CFAP46: variants seen among roughly 807,000 people sequenced by gnomAD.
The protein encoded by CFAP46 is cilia and flagella associated protein 46.
A neutral mutation model predicts 325.7 loss-of-function variants in CFAP46; 245 were observed. The ratio of observed to expected loss-of-function variants is 0.75; its 90% CI spans 0.68 to 0.84. CFAP46 has a LOEUF of 0.84. Ranked by LOEUF, CFAP46 falls within the 40% of genes least tolerant of loss-of-function variation. The pLI is 0.00. For missense variants in CFAP46, 3,346 were observed against 3,543.0 expected (o/e 0.94, Z 1.41); for synonymous variants, 1,523 against 1,495.9 (o/e 1.02, Z -0.42).
chr10:132,847,611 G>C lies in CFAP46; in HGVS notation c.5953-290C>G, dbSNP rs546661593. On this transcript the variant is annotated intron_variant, in intron 41 of 57. Transcript: ENST00000368586. The surrounding 1 kb of genome is among the most constrained non-coding windows in gnomAD (Gnocchi z 5.2). ...CTGAGGAAGCCGGCCTGAGTCACGT[G>C]GGCCTGGAATCCAACACATTCCCAG... is the stretch of plus-strand genomic sequence containing the variant. 1.2e-3 allele frequency among the ~76,000 whole-genome samples: 179 copies of C among 152,076 alleles called. No homozygotes were observed. Among genetic ancestry groups the C allele is most frequent in the Middle Eastern group, 3.4e-3 (1 of 294 alleles).
chr10:132,866,763 T>C (rs1848819810), intron 34 of CFAP46, among the ~76,000 whole-genome samples: 2 of 152,228 alleles, frequency 1.3e-5, no homozygotes, highest in Admixed American at 6.5e-5. Flanking sequence ...ACAGGAAGCA[T>C]GGCCTTTGCC....
intron 38 of CFAP46, 117 bp from the exon 39 acceptor site, chr10:132,857,905 T>C: frequency 1.1e-6 from 1 of 920,242 alleles, no homozygotes; most frequent in Non-Finnish European, 1.6e-6. Flanking sequence ...TGTTTTAAAA[T>C]AGCTAACATG....
intron 44 of CFAP46, among the ~76,000 whole-genome samples, chr10:132,839,298 G>C (rs528528712): frequency 6.6e-6 from 1 of 152,228 alleles, no homozygotes; most frequent in Non-Finnish European, 1.5e-5. Flanking sequence ...CCCCACAAGG[G>C]ACACAGCCCT....
intron 39 of CFAP46, among the ~76,000 whole-genome samples, chr10:132,855,258 C>T (rs1429558950): frequency 6.6e-6 from 1 of 152,162 alleles, no homozygotes; most frequent in Admixed American, 6.5e-5. Context: ...CTGGTTGAGC[C>T]GTTTGCACTA....
rs903618881 is a variant in CFAP46, at chr10:132,827,279, G to A, written c.7117+6079C>T. Among the ~76,000 whole-genome samples the A allele has an allele frequency of 6.6e-6, 1 of 152,146 alleles. No individual in the cohort carries two copies. The highest frequency in any genetic ancestry group is 1.5e-5 in the Non-Finnish European group (1 of 68,030). On this transcript the variant is annotated intron_variant, in intron 50 of 57. Transcript: ENST00000368586. The surrounding 1 kb of genome is among the most constrained non-coding windows in gnomAD (Gnocchi z 5.7). ...GAAGGGGCTGACCGTGGCCTGTGAT[G>A]GACGGGGCACCCAGTGGGCCAGAAT...
chr10:132,907,962 G>T (rs1011679151), intron 22 of CFAP46, among the ~76,000 whole-genome samples: 1 of 152,230 alleles, frequency 6.6e-6, no homozygotes, highest in African/African-American at 2.4e-5. Context: ...AACCATCTGG[G>T]GTGGGAGCCC....
At chr10:132,883,164 G>C (rs2387075) in intron 27 of CFAP46, among the ~76,000 whole-genome samples, 150,522 of 152,306 alleles carry the variant, frequency 0.99, 74,385 homozygotes, top group Middle Eastern at 1. Context: ...ACAAATCATG[G>C]CATCCAGAAA....
At chr10:132,814,979 G>C in intron 50 of CFAP46, 65 bp from the exon 51 acceptor site, 2 of 1,422,352 alleles carry the variant, frequency 1.4e-6, no homozygotes, top group Non-Finnish European at 2.0e-6. Context: ...CCGGCCACAC[G>C]GTCGGTTAAT....
intron 48 of CFAP46, among the ~76,000 whole-genome samples, 194 bp from the exon 49 acceptor site, chr10:132,834,317 C>A (rs978461599): frequency 2.0e-5 from 3 of 152,200 alleles, no homozygotes; most frequent in African/African-American, 7.2e-5. Context: ...GATCCACCAG[C>A]CAAGCTAAAC....
At chr10:132,913,507 C>T (rs111728053) in intron 17 of CFAP46, among the ~76,000 whole-genome samples, 2 of 152,326 alleles carry the variant, frequency 1.3e-5, no homozygotes, top group African/African-American at 4.8e-5. Context: ...TTGCGATCAG[C>T]GCATTCCAAG....
chr10:132,857,834 T>G (rs1848666020), intron 38 of CFAP46, 46 bp from the exon 39 acceptor site: 1 of 1,378,802 alleles, frequency 7.3e-7, no homozygotes, highest in Non-Finnish European at 9.7e-7. Flanking sequence ...ATGTTATTAT[T>G]ACTAAATGTT....
In CFAP46 at chr10:132,858,021, C is replaced by T. The variant is rs553822388; in HGVS notation, c.5376-233G>A. 3.3e-5 allele frequency among the ~76,000 whole-genome samples: 5 copies of T among 152,350 alleles called. No homozygotes were observed. In the East Asian group the frequency reaches 5.8e-4, roughly 18 times the overall value. On this transcript the variant is annotated intron_variant, in intron 38 of 57. Coordinates refer to ENST00000368586, the MANE Select transcript of CFAP46 (RefSeq NM_001200049.3). ...TAAGTGTGCGCTTGAAGGAGATTTG[C>T]TGAAGCAATTCCACAGCATCAGCTT...
At position 132,877,478 on chromosome 10, in the gene CFAP46, A is replaced by G. The variant is rs1462382600; in HGVS notation, c.4212+403T>C. 2.6e-5 allele frequency among the ~76,000 whole-genome samples: 4 copies of G among 152,212 alleles called. No individual in the cohort carries two copies. The highest frequency in any genetic ancestry group is 9.6e-5 in the African/African-American group (4 of 41,460). ...CACTTTTCTCACTGCTCTGGGACCC[A>G]GGCCCTGGGCTGTGTCTGCTGCCAT... is the stretch of plus-strand genomic sequence containing the variant. On this transcript the variant is annotated intron_variant, in intron 30 of 57. Transcript: ENST00000368586. This position sits in a 1 kb window ranked among gnomAD's most constrained non-coding sequence, Gnocchi z 5.7.
intron 20 of CFAP46, 127 bp downstream of exon 20, chr10:132,909,792 C>T (rs1331565356): frequency 1.1e-6 from 1 of 891,250 alleles, no homozygotes; most frequent in Non-Finnish European, 1.6e-6. Flanking sequence ...AAAGGGAGTG[C>T]CCAGGCCATC....
intron 29 of CFAP46, among the ~76,000 whole-genome samples, chr10:132,878,887 G>A (rs988133223): frequency 1.4e-4 from 21 of 152,220 alleles, no homozygotes; most frequent in Admixed American, 4.6e-4. Context: ...CTAGACAGAC[G>A]CACGGGGAGG....
At chr10:132,853,339 G>A (rs1193418397) in intron 39 of CFAP46, among the ~76,000 whole-genome samples, 1 of 152,170 alleles carries the variant, frequency 6.6e-6, no homozygotes, top group Non-Finnish European at 1.5e-5. Flanking sequence ...AAAAAATATG[G>A]TGAAATTAAT....
chr10:132,867,235 C>T (rs1303081294), intron 34 of CFAP46, 140 bp downstream of exon 34: 3 of 965,290 alleles, frequency 3.1e-6, no homozygotes, highest in Admixed American at 2.9e-5. Context: ...CCCTCACACA[C>T]TGACACACAC....
Position 132,832,147 on chromosome 10 carries a change from A to AT in CFAP46, c.7117+1210dup, listed in dbSNP as rs1848156585. ...TTTTGCTCAAAAATATTTTAAAGAG[A>AT]TTTTGAAAATAAAGGCGTTTTAAGT... is the stretch of plus-strand genomic sequence containing the variant. On this transcript the variant is annotated intron_variant, in intron 50 of 57. Coordinates refer to ENST00000368586, the MANE Select transcript of CFAP46 (RefSeq NM_001200049.3). The surrounding 1 kb of genome is among the most constrained non-coding windows in gnomAD (Gnocchi z 4.1). Among the ~76,000 whole-genome samples the AT allele has an allele frequency of 2.6e-5, 4 of 152,258 alleles. No homozygotes were observed. The South Asian group carries it at 8.3e-4, about 32-fold the overall frequency.
intron 39 of CFAP46, 38 bp downstream of exon 39, chr10:132,857,552 G>A: frequency 6.3e-7 from 1 of 1,591,424 alleles, no homozygotes; most frequent in African/African-American, 1.4e-5. Context: ...CCCGGTGGGA[G>A]TGACCCAGTG....
Sources: gnomAD v4.1 joint callset for allele counts (sites outside exome capture counted in the v4.1 genomes callset) on GRCh38, gnomAD v4.1.1 for gene constraint, Gnocchi (gnomAD v3.1) non-coding constraint, MANE v1.5 for transcripts, NCBI Gene and HGNC (gene_info 2026-07-23, HGNC 2026-07-21) for gene names.